Variants in TXLNB observed in about 807,000 individuals in gnomAD.
TXLNB encodes the protein beta-taxilin.
In TXLNB, 37 loss-of-function variants were observed where a neutral mutation model predicts 57.4. That is an observed-to-expected ratio of 0.64 (90% CI 0.50 to 0.85). The LOEUF (loss-of-function observed/expected upper bound fraction) is 0.85, where lower values mean the gene tolerates loss of function less well. Ranked by LOEUF, TXLNB falls within the 40% of genes least tolerant of loss-of-function variation. The probability of loss-of-function intolerance (pLI) is 0.00; values close to 1 mark genes in which losing one functional copy is unlikely to be tolerated. For missense variants in TXLNB, 848 were observed against 825.6 expected (o/e 1.03, Z -0.33); for synonymous variants, 302 against 309.6 (o/e 0.98, Z 0.26).
At chr6:139,215,006 T>C in the TXLNB span, among the ~76,000 whole-genome samples, 2 of 152,164 alleles carry the variant, frequency 1.3e-5, no homozygotes, top group African/African-American at 4.8e-5. Context: ...GAACATTCCA[T>C]GCTCATGGGT....
At chr6:139,280,176 A>G (rs949194242) in intron 2 of TXLNB, among the ~76,000 whole-genome samples, 3 of 148,670 alleles carry the variant, frequency 2.0e-5, no homozygotes, top group Non-Finnish European at 1.5e-5. Context: ...CGCTTGAACC[A>G]GGGAGGCAGA....
the TXLNB span, among the ~76,000 whole-genome samples, chr6:139,323,733 C>T: frequency 6.6e-6 from 1 of 152,232 alleles, no homozygotes; most frequent in Non-Finnish European, 1.5e-5. Flanking sequence ...TTACCAACTT[C>T]CGCTGCTTAC....
At chr6:139,202,148 T>C in the TXLNB span, among the ~76,000 whole-genome samples, 2 of 152,232 alleles carry the variant, frequency 1.3e-5, no homozygotes, top group Non-Finnish European at 2.9e-5. Flanking sequence ...TTATCAGGAA[T>C]CTAACTGGCA....
At chr6:139,275,428 C>T (rs1232764842) in intron 3 of TXLNB, among the ~76,000 whole-genome samples, 1 of 152,004 alleles carries the variant, frequency 6.6e-6, no homozygotes, top group Non-Finnish European at 1.5e-5. Flanking sequence ...CACAGTAGAA[C>T]AGGAAAAGAA....
At chr6:139,264,405 AGTT>A (rs1028183790) in intron 4 of TXLNB, among the ~76,000 whole-genome samples, 9 of 152,142 alleles carry the variant, frequency 5.9e-5, no homozygotes, top group South Asian at 4.1e-4. Flanking sequence ...TGCAAGTCTG[AGTT>A]GTTGTTTTTT....
chr6:139,287,844 T>C (rs1777211593), intron 2 of TXLNB, among the ~76,000 whole-genome samples: 1 of 151,290 alleles, frequency 6.6e-6, no homozygotes, highest in Non-Finnish European at 1.5e-5. Context: ...GTTTTTGCAC[T>C]TCTCCTATAT....
the TXLNB span, among the ~76,000 whole-genome samples, chr6:139,299,550 T>A: frequency 3.3e-5 from 5 of 152,194 alleles, no homozygotes; most frequent in Admixed American, 6.5e-5. Flanking sequence ...TTCTCATTCC[T>A]CCTTGTCCTA....
At chr6:139,265,632 T>G (rs9484256) in intron 4 of TXLNB, among the ~76,000 whole-genome samples, 3,995 of 152,310 alleles carry the variant, frequency 0.026, 165 homozygotes, top group African/African-American at 0.091. Flanking sequence ...CCAAGGAAGC[T>G]CATATCAAGT....
chr6:139,220,052 G>A, the TXLNB span, among the ~76,000 whole-genome samples: 168 of 152,274 alleles, frequency 1.1e-3, no homozygotes, highest in African/African-American at 4.0e-3. Context: ...TCAAACTGAT[G>A]GTATTAGGAA....
the TXLNB span, among the ~76,000 whole-genome samples, chr6:139,210,627 A>G: frequency 5.3e-5 from 8 of 152,354 alleles, no homozygotes; most frequent in African/African-American, 1.9e-4. Context: ...AATGCCGGAC[A>G]GTGGGTGAAG....
the TXLNB span, among the ~76,000 whole-genome samples, chr6:139,232,915 G>A: frequency 9.9e-5 from 15 of 152,204 alleles, no homozygotes; most frequent in East Asian, 1.9e-4. Flanking sequence ...ATGTCCAGGA[G>A]GTTTATGTGG....
chr6:139,274,642 G>C (rs1052068464), intron 3 of TXLNB, among the ~76,000 whole-genome samples: 3 of 152,186 alleles, frequency 2.0e-5, no homozygotes, highest in African/African-American at 7.2e-5. Flanking sequence ...AGTTCCCTGA[G>C]ACCAGGATGA....
At chr6:139,317,191 T>C in the TXLNB span, among the ~76,000 whole-genome samples, 2 of 152,162 alleles carry the variant, frequency 1.3e-5, no homozygotes, top group African/African-American at 4.8e-5. Flanking sequence ...CAGTCACTGA[T>C]TGGATCAAGA....
At chr6:139,231,561 T>C in the TXLNB span, among the ~76,000 whole-genome samples, 10 of 152,232 alleles carry the variant, frequency 6.6e-5, no homozygotes, top group Non-Finnish European at 1.3e-4. Context: ...AAAGAAATTA[T>C]ATGAGTAATT....
chr6:139,307,975 C>T, the TXLNB span, among the ~76,000 whole-genome samples: 5 of 59,818 alleles, frequency 8.4e-5, no homozygotes, highest in South Asian at 1.7e-3. Context: ...GTAGTATTGA[C>T]ACCTGGGTTC....
At chr6:139,262,815 G>C in intron 4 of TXLNB, 42 bp from the exon 5 acceptor site, 1 of 1,591,606 alleles carries the variant, frequency 6.3e-7, no homozygotes, top group Non-Finnish European at 8.6e-7. Flanking sequence ...ATGCACCCCG[G>C]GTTTATAGAA....
chr6:139,297,127 A>G, the TXLNB span, among the ~76,000 whole-genome samples: 1 of 152,040 alleles, frequency 6.6e-6, no homozygotes. Flanking sequence ...ACCACTATGT[A>G]TTGTGTTCTA....
the TXLNB span, among the ~76,000 whole-genome samples, chr6:139,219,099 C>T: frequency 2.0e-5 from 3 of 152,322 alleles, no homozygotes; most frequent in Non-Finnish European, 4.4e-5. Context: ...CAATGTTCAA[C>T]TCCACAATTG....
At chr6:139,167,343 C>A in the TXLNB span, 1 of 1,514,706 alleles carries the variant, frequency 6.6e-7, no homozygotes, top group Non-Finnish European at 9.0e-7. Context: ...GTTAATTCAC[C>A]TTGCCTGCTT....
Sources: gnomAD v4.1 joint callset for allele counts (sites outside exome capture counted in the v4.1 genomes callset) on GRCh38, gnomAD v4.1.1 for gene constraint, MANE v1.5 for transcripts, NCBI Gene and HGNC (gene_info 2026-07-23, HGNC 2026-07-21) for gene names.